Variants in FAHD2B observed in about 807,000 individuals in gnomAD.
FAHD2B encodes fumarylacetoacetate hydrolase domain containing 2B.
Under a neutral mutation model 33.7 loss-of-function variants are expected in FAHD2B, and 26 were observed. That is an observed-to-expected ratio of 0.77 (90% CI 0.57 to 1.07). The LOEUF (loss-of-function observed/expected upper bound fraction) is 1.07, where lower values mean the gene tolerates loss of function less well. FAHD2B is among the 50% of genes least tolerant of loss of function. The probability of loss-of-function intolerance (pLI) is 0.00; values close to 1 mark genes in which losing one functional copy is unlikely to be tolerated. For synonymous variants in FAHD2B, 108 were observed against 150.9 expected (o/e 0.72, Z 2.08); for missense variants, 272 against 388.1 (o/e 0.70, Z 2.51).
chr2:97,086,183 C>T lies in FAHD2B; in HGVS notation c.478G>A (p.Val160Met), dbSNP rs1467264065. ...PPQSQEVDWE[V>M]ELAVVIGKKG... The stretch of plus-strand genomic sequence containing the variant: ...TTTCCAATGACCACGGCCAGCTCCA[C>T]TTCCCAATCTACCTCCTGTAGGGTG... Residue 160 changes from valine to methionine, a missense_variant, in exon 5 of 9, where the codon GTG becomes ATG. Transcript: ENST00000414820. The T allele has an allele frequency of 1.9e-6, 3 of 1,612,204 alleles. No homozygotes were observed. In the Admixed American group the frequency reaches 5.0e-5, roughly 27 times the overall value.
At chr2:97,079,811 T>A (rs1305306065), downstream of FAHD2B, among the ~76,000 whole-genome samples, 3 of 151,848 alleles carry the variant, frequency 2.0e-5, no homozygotes, top group African/African-American at 7.2e-5. Flanking sequence ...AGTACAGGCA[T>A]GCACCACCAC....
At chr2:97,081,181 C>T, downstream of FAHD2B, 2 of 1,485,942 alleles carry the variant, frequency 1.3e-6, no homozygotes, top group Non-Finnish European at 1.8e-6. Context: ...GCTGCTGAGC[C>T]AGAATGAGCT....
rs778763923 is a variant in FAHD2B at position 97,084,359 on chromosome 2, C to T, written c.686-82G>A. On this transcript the variant is annotated intron_variant, in intron 6 of 8. Coordinates refer to ENST00000414820, the MANE Select transcript of FAHD2B (RefSeq NM_001320848.2). ...TGTTTTACAAACACAACTGTAGGGG[C>T]GCTTCGTGACTTGGCAGGTGAAAGG... 1.2e-4 allele frequency: 191 copies of T among 1,528,382 alleles called. 1 individual carries two copies. Among genetic ancestry groups the T allele is most frequent in the Non-Finnish European group, 1.5e-4 (172 of 1,119,530 alleles). The allele number at this position is 1,528,382 out of a possible 1,614,324, so 94.7% of individuals were successfully genotyped here.
chr2:97,081,234 C>T (rs1473158609), downstream of FAHD2B: 1 of 1,487,132 alleles, frequency 6.7e-7, no homozygotes, highest in African/African-American at 1.5e-5. Context: ...TGCCGCAAGA[C>T]CTGCTGCTGC....
downstream of FAHD2B, among the ~76,000 whole-genome samples, chr2:97,078,759 A>T (rs2031560500): frequency 2.0e-5 from 3 of 151,984 alleles, no homozygotes; most frequent in South Asian, 6.3e-4. Flanking sequence ...ACTTTTTTTT[A>T]AACTTTTATT....
At chr2:97,085,486 A>G (rs982555081) in intron 6 of FAHD2B, among the ~76,000 whole-genome samples, 3 of 152,012 alleles carry the variant, frequency 2.0e-5, no homozygotes, top group African/African-American at 7.2e-5. Context: ...GCAGTTTCAC[A>G]TCCTCTGCAG....
intron 4 of FAHD2B, among the ~76,000 whole-genome samples, chr2:97,088,085 T>C (rs1364976540): frequency 6.6e-6 from 1 of 152,032 alleles, no homozygotes; most frequent in Non-Finnish European, 1.5e-5. Context: ...GCAGGGGGGA[T>C]TGTTTGAGGT....
At chr2:97,086,337 G>C in intron 4 of FAHD2B, 139 bp from the exon 5 acceptor site, 1 of 1,232,654 alleles carries the variant, frequency 8.1e-7, no homozygotes, top group African/African-American at 1.5e-5. Context: ...CCAGAGCCCA[G>C]TGAATGACAA....
chr2:97,082,635 A>G, downstream of FAHD2B: 2 of 1,547,688 alleles, frequency 1.3e-6, no homozygotes, highest in South Asian at 1.1e-5. Context: ...AAACAAGAGG[A>G]GAGAAGCCTG....
downstream of FAHD2B, among the ~76,000 whole-genome samples, chr2:97,079,200 C>T (rs1200024947): frequency 6.6e-6 from 1 of 152,098 alleles, no homozygotes; most frequent in Non-Finnish European, 1.5e-5. Context: ...GATTCCACAT[C>T]TGTGCTATTG....
rs1201227423 is a variant in FAHD2B, at chr2:97,084,031, C to G, written c.799G>C (p.Val267Leu). The change falls in exon 8 of 9, where the codon GTT becomes CTT. Residue 267 changes from valine to leucine, a missense_variant. By Grantham distance (32) the Val-to-Leu change is conservative. Transcript: ENST00000414820. ...ATGACATCCCCTGGGTAAAAGGTAA[C>G]AAACCTGGAGCAAAGCAAAAGGACC... ...EDLIAWVSQF[V>L]TFYPGDVILT... The G allele has an allele frequency of 1.7e-5, 28 of 1,613,634 alleles. No homozygotes were observed. The highest frequency in any genetic ancestry group is 2.4e-5 in the Non-Finnish European group (28 of 1,179,890).
chr2:97,093,855 A>G (rs1361379241), intron 1 of FAHD2B, among the ~76,000 whole-genome samples: 1 of 152,120 alleles, frequency 6.6e-6, no homozygotes, highest in Admixed American at 6.6e-5. Flanking sequence ...AAAGCGGTTA[A>G]GGGATTTGCC....
downstream of FAHD2B, chr2:97,082,594 G>T (rs2031689080): frequency 6.3e-7 from 1 of 1,574,812 alleles, no homozygotes; most frequent in South Asian, 1.1e-5. Context: ...CTTCTGTCCA[G>T]TCTGAGTTCT....
chr2:97,081,594 C>T (rs2031646459), downstream of FAHD2B: 2 of 1,509,010 alleles, frequency 1.3e-6, no homozygotes, highest in East Asian at 4.9e-5. Flanking sequence ...GCCAGCTGCC[C>T]CAGGCTCCTC....
downstream of FAHD2B, among the ~76,000 whole-genome samples, chr2:97,080,024 T>C (rs1351931233): frequency 6.6e-6 from 1 of 152,162 alleles, no homozygotes; most frequent in African/African-American, 2.4e-5. Context: ...GCAAAACTTT[T>C]CTCTCATTCT....
rs1191161757 is a variant in FAHD2B, at chr2:97,091,940, C to T, written c.-84G>A. ...ACGCAGTAAGTCCCAGGGATTCCAG[C>T]GTTCCTTCAACCAGTGCTTTCTGAA... is the stretch of plus-strand genomic sequence containing the variant. On this transcript the variant is annotated 5_prime_UTR_variant, in exon 2 of 9. Coordinates refer to ENST00000414820, the MANE Select transcript of FAHD2B (RefSeq NM_001320848.2). 19 of 496,382 alleles carry T rather than the reference C, an allele frequency of 3.8e-5. No individual in the cohort carries two copies. The highest frequency in any genetic ancestry group is 5.6e-5 in the Non-Finnish European group (16 of 285,942). The allele number at this position is 496,382 out of a possible 1,614,324, so 30.7% of individuals were successfully genotyped here.
chr2:97,090,737 A>C (rs2032289206), intron 3 of FAHD2B, among the ~76,000 whole-genome samples: 1 of 151,908 alleles, frequency 6.6e-6, no homozygotes, highest in Non-Finnish European at 1.5e-5. Flanking sequence ...CTGCTTAACA[A>C]TATGTAACAA....
At chr2:97,087,969 G>T (rs2032097425) in intron 4 of FAHD2B, among the ~76,000 whole-genome samples, 2 of 152,018 alleles carry the variant, frequency 1.3e-5, no homozygotes, top group African/African-American at 2.4e-5. Context: ...CATCTTTGTA[G>T]ATCTCTTGAT....
intron 1 of FAHD2B, among the ~76,000 whole-genome samples, chr2:97,092,525 G>A (rs1015034194): frequency 6.6e-6 from 1 of 152,132 alleles, no homozygotes; most frequent in Non-Finnish European, 1.5e-5. Flanking sequence ...CCAGCACTGT[G>A]CCTGGTGCAC....
Sources: allele counts gnomAD v4.1 joint callset (sites outside exome capture counted in the v4.1 genomes callset), GRCh38; gene constraint gnomAD v4.1.1; transcripts MANE v1.5; gene names NCBI Gene and HGNC (gene_info 2026-07-23, HGNC 2026-07-21).